The following LRP1B variants were observed in gnomAD, a reference collection of about 807,000 sequenced individuals.
LRP1B encodes low-density lipoprotein receptor-related protein 1B.
LRP1B carries 217 observed loss-of-function variants against 556.6 expected under a neutral mutation model. The ratio of observed to expected loss-of-function variants is 0.39; its 90% CI spans 0.35 to 0.44. LRP1B has a LOEUF of 0.44. LRP1B is among the 20% of genes least tolerant of loss of function. The probability of loss-of-function intolerance (pLI) is 1.00; values close to 1 mark genes in which losing one functional copy is unlikely to be tolerated. For synonymous variants in LRP1B, 2,047 were observed against 1,865.8 expected (o/e 1.10, Z -2.50); for missense variants, 5,053 against 5,620.8 (o/e 0.90, Z 3.23).
At chr2:141,714,602 A>C (rs375136895) in intron 2 of LRP1B, among the ~76,000 whole-genome samples, 97 of 152,232 alleles carry the variant, frequency 6.4e-4, no homozygotes, top group African/African-American at 2.2e-3. Context: ...CTCTTCAAAG[A>C]AATTTCCAAG....
intron 6 of LRP1B, among the ~76,000 whole-genome samples, chr2:141,197,679 G>A (rs1340620788): frequency 6.6e-6 from 1 of 152,130 alleles, no homozygotes; most frequent in Admixed American, 6.6e-5. Context: ...CTGAAAACAA[G>A]TGACCAGTTA....
intron 2 of LRP1B, among the ~76,000 whole-genome samples, chr2:141,518,908 C>A (rs1269047061): frequency 6.6e-6 from 1 of 151,964 alleles, no homozygotes; most frequent in African/African-American, 2.4e-5. Context: ...TGAGATCGTG[C>A]CATTGCACTC....
intron 1 of LRP1B, among the ~76,000 whole-genome samples, chr2:141,971,904 C>T (rs1415703869): frequency 6.6e-6 from 1 of 151,374 alleles, no homozygotes; most frequent in Non-Finnish European, 1.5e-5. Context: ...CACTCTTCAC[C>T]CCTTTATACC....
chr2:141,492,091 A>AAAAAAAAAAAAAC (rs67960557), intron 2 of LRP1B, among the ~76,000 whole-genome samples: 7,609 of 99,588 alleles, frequency 0.076, 941 homozygotes, highest in African/African-American at 0.17. Flanking sequence ...AAAAAAAAAA[A>AAAAAAAAAAAAAC]CACTAAGAAA....
chr2:140,532,837 T>A (rs1400481716), intron 47 of LRP1B, among the ~76,000 whole-genome samples: 1 of 151,394 alleles, frequency 6.6e-6, no homozygotes, highest in East Asian at 1.9e-4. Context: ...TCAGTTTAAA[T>A]TCAGTATAGC....
Position 141,330,747 on chromosome 2 carries a change from C to CTT in LRP1B, c.344-76108_344-76107dup, listed in dbSNP as rs530844983. ...GGATTCTACTTTTTTGGCTAACAAA[C>CTT]TTTTTTTTTTTTTTTTTTTTTTTGA... On this transcript the variant is annotated intron_variant, in intron 3 of 90. Coordinates refer to ENST00000389484, the MANE Select transcript of LRP1B (RefSeq NM_018557.3). 8.0e-3 allele frequency among the ~76,000 whole-genome samples: 864 copies of CTT among 107,798 alleles called. 9 individuals carry two copies. The highest frequency in any genetic ancestry group is 0.021 in the African/African-American group (574 of 27,322). 70.7% of individuals were successfully genotyped at this position (107,798 alleles called of 152,430 possible).
At chr2:141,503,316 A>AAT (rs1311187071) in intron 2 of LRP1B, among the ~76,000 whole-genome samples, 9 of 149,370 alleles carry the variant, frequency 6.0e-5, no homozygotes, top group South Asian at 2.1e-4. Context: ...GAGTAGAGGA[A>AAT]ATATATATAT....
In LRP1B at chr2:140,541,079, T is replaced by G; in HGVS notation, c.7407A>C (p.Ala2469=). Residue 2469 remains alanine (A), a synonymous_variant, in exon 45 of 91, where the codon GCA becomes GCC. Transcript: ENST00000389484. Reference sequence around the variant, plus strand: ...AGTCATGGCAGCCTCCATTCAATAATGCACATGGAGAAAGTTCACCTACAA... The same window carrying G: ...AGTCATGGCAGCCTCCATTCAATAAGGCACATGGAGAAAGTTCACCTACAA... ...DTNSCELSPC[A]LLNGGCHDLC... is the part of the protein sequence containing the mutation. The G allele has an allele frequency of 6.2e-7, 1 of 1,609,894 alleles. No homozygotes were observed. The highest frequency in any genetic ancestry group is 1.1e-5 in the South Asian group (1 of 90,808).
At chr2:140,666,769 G>T (rs1369292604) in intron 41 of LRP1B, among the ~76,000 whole-genome samples, 2 of 152,134 alleles carry the variant, frequency 1.3e-5, no homozygotes, top group African/African-American at 2.4e-5. Context: ...CCATCTACAA[G>T]TTACCTGATA....
chr2:141,076,729 A>G (rs1030409888), intron 7 of LRP1B, among the ~76,000 whole-genome samples: 2 of 152,220 alleles, frequency 1.3e-5, no homozygotes, highest in African/African-American at 4.8e-5. Context: ...TCTTTCCAGA[A>G]AACTAGACCC....
intron 7 of LRP1B, among the ~76,000 whole-genome samples, chr2:141,151,970 A>C (rs879602128): frequency 6.6e-6 from 1 of 152,042 alleles, no homozygotes; most frequent in Non-Finnish European, 1.5e-5. Flanking sequence ...ATATTTAATA[A>C]TATTTAATAT....
intron 1 of LRP1B, among the ~76,000 whole-genome samples, chr2:141,984,148 G>A (rs895792407): frequency 1.4e-5 from 2 of 147,876 alleles, no homozygotes; most frequent in Non-Finnish European, 3.0e-5. Flanking sequence ...CTTGCTGAAA[G>A]AGTAATATCT....
intron 3 of LRP1B, among the ~76,000 whole-genome samples, chr2:141,300,073 A>T (rs1412933362): frequency 6.6e-6 from 1 of 152,212 alleles, no homozygotes; most frequent in African/African-American, 2.4e-5. Flanking sequence ...TTTCTGACAC[A>T]TGAAGATACA....
chr2:140,762,380 A>C (rs964335204), intron 35 of LRP1B, among the ~76,000 whole-genome samples: 10 of 152,110 alleles, frequency 6.6e-5, no homozygotes, highest in African/African-American at 2.4e-4. Flanking sequence ...CCTTCCTCAA[A>C]AGATTCTTTT....
chr2:141,791,244 T>G (rs1304968462), intron 2 of LRP1B, among the ~76,000 whole-genome samples: 2 of 152,000 alleles, frequency 1.3e-5, no homozygotes, highest in Non-Finnish European at 2.9e-5. Flanking sequence ...TAGAAAATTA[T>G]GAAATTGTAC....
At chr2:140,333,953 A>G (rs1680943623) in intron 79 of LRP1B, among the ~76,000 whole-genome samples, 1 of 151,814 alleles carries the variant, frequency 6.6e-6, no homozygotes, top group Non-Finnish European at 1.5e-5. Flanking sequence ...CAAGGTGGCC[A>G]GGGAGATTAA....
chr2:140,765,785 T>G (rs1265480831), intron 35 of LRP1B, among the ~76,000 whole-genome samples: 2 of 152,168 alleles, frequency 1.3e-5, no homozygotes, highest in East Asian at 3.9e-4. Flanking sequence ...GAATACATTC[T>G]TTCTGTAATA....
intron 2 of LRP1B, 26 bp downstream of exon 2, chr2:141,810,253 A>C (rs754115967): frequency 1.2e-6 from 2 of 1,610,446 alleles, no homozygotes; most frequent in Non-Finnish European, 1.7e-6. Context: ...GGTAAATCCG[A>C]ATGGCATGAG....
At chr2:140,369,562 A>G (rs2105162010) in intron 71 of LRP1B, among the ~76,000 whole-genome samples, 1 of 151,980 alleles carries the variant, frequency 6.6e-6, no homozygotes, top group East Asian at 1.9e-4. Flanking sequence ...TAGACATTTA[A>G]CATTTCATGG....
Sources: allele counts gnomAD v4.1 joint callset (sites outside exome capture counted in the v4.1 genomes callset), GRCh38; gene constraint gnomAD v4.1.1; transcripts MANE v1.5; gene names NCBI Gene and HGNC (gene_info 2026-07-23, HGNC 2026-07-21).